PRDM6: variants seen among roughly 807,000 people sequenced by gnomAD.
PRDM6 encodes PR/SET domain 6, also known as putative histone-lysine N-methyltransferase PRDM6.
Under a neutral mutation model 60.8 loss-of-function variants are expected in PRDM6, and 25 were observed. The observed-to-expected ratio is 0.41, with a 90% CI of 0.30 to 0.57. The LOEUF is 0.57. PRDM6 is among the 20% of genes least tolerant of loss of function. The pLI is 0.27. For synonymous variants in PRDM6, 407 were observed against 357.4 expected (o/e 1.14, Z -1.57); for missense variants, 839 against 821.3 (o/e 1.02, Z -0.26).
chr5:123,121,298 A>C (rs891454930), intron 3 of PRDM6, among the ~76,000 whole-genome samples: 4 of 152,104 alleles, frequency 2.6e-5, no homozygotes, highest in African/African-American at 9.7e-5. Context: ...CTTATTTTGA[A>C]TATTTTTTTC....
At chr5:123,123,114 G>C (rs1764615810) in intron 3 of PRDM6, among the ~76,000 whole-genome samples, 1 of 152,134 alleles carries the variant, frequency 6.6e-6, no homozygotes, top group African/African-American at 2.4e-5. Context: ...TTTACCCTCA[G>C]AAAGGTTATA....
chr5:123,148,004 C>T (rs1561853861), intron 3 of PRDM6, among the ~76,000 whole-genome samples: 1 of 152,244 alleles, frequency 6.6e-6, no homozygotes, highest in Non-Finnish European at 1.5e-5. Context: ...AGCTGACCCA[C>T]AGTGTGACCA....
At chr5:123,133,488 A>G (rs1764881896) in intron 3 of PRDM6, among the ~76,000 whole-genome samples, 1 of 152,108 alleles carries the variant, frequency 6.6e-6, no homozygotes, top group Non-Finnish European at 1.5e-5. Context: ...ATCCTTTTTT[A>G]TTAAAAGTCA....
At chr5:123,160,153 A>T (rs537147625) in intron 5 of PRDM6, among the ~76,000 whole-genome samples, 1 of 152,368 alleles carries the variant, frequency 6.6e-6, no homozygotes, top group East Asian at 1.9e-4. Flanking sequence ...AATGGTAGAT[A>T]TGTGACTGAG....
intron 4 of PRDM6, among the ~76,000 whole-genome samples, chr5:123,157,042 T>C (rs1580525363): frequency 6.6e-6 from 1 of 151,892 alleles, no homozygotes; most frequent in East Asian, 1.9e-4. Flanking sequence ...GTCCTGCCTA[T>C]GGCTATTTAT....
At position 123,101,352 on chromosome 5, in the gene PRDM6, C is replaced by T. The variant is rs538360154; in HGVS notation, c.900+1391C>T. On this transcript the variant is annotated intron_variant, in intron 3 of 7. Coordinates refer to ENST00000407847, the MANE Select transcript of PRDM6 (RefSeq NM_001136239.4). ...ACAGCCCAGCAGCCCAAAATGAGGA[C>T]GTGGAAGCCAATGAACTACCTACCC... Among the ~76,000 whole-genome samples the T allele has an allele frequency of 4.6e-5, 7 of 152,180 alleles. No individual in the cohort carries two copies. In the East Asian group the frequency reaches 5.8e-4, roughly 13 times the overall value.
At chr5:123,126,596 A>G (rs1764700317) in intron 3 of PRDM6, among the ~76,000 whole-genome samples, 1 of 152,190 alleles carries the variant, frequency 6.6e-6, no homozygotes, top group Admixed American at 6.5e-5. Flanking sequence ...GTGCTTTTTA[A>G]GATGCCAGTA....
intron 3 of PRDM6, among the ~76,000 whole-genome samples, chr5:123,119,609 G>A (rs569642236): frequency 1.6e-4 from 25 of 152,314 alleles, no homozygotes; most frequent in Admixed American, 1.1e-3. Flanking sequence ...AGAGCCCAGG[G>A]TCGGGGACTA....
In PRDM6 at chr5:123,127,554, C is replaced by T. The variant is rs373337383; in HGVS notation, c.900+27593C>T. On this transcript the variant is annotated intron_variant, in intron 3 of 7. Transcript: ENST00000407847. The stretch of plus-strand genomic sequence containing the variant: ...AATTTAAGCATTGTTAGTTGTGAGA[C>T]TTAATCCCATTCAAGTTTTATTAAC... 5.3e-5 allele frequency among the ~76,000 whole-genome samples: 8 copies of T among 152,284 alleles called. No homozygotes were observed. The South Asian group carries it at 1.7e-3, about 32-fold the overall frequency.
Position 123,180,249 on chromosome 5 carries a change from C to T in PRDM6, c.1599C>T (p.Tyr533=). ...HSSDRPFKCG[Y]CGRAFAGATT... is the part of the protein sequence containing the mutation. ...GTGACCGGCCTTTCAAGTGCGGCTACTGTGGTCGTGCCTTTGCCGGGGCCA... is the reference window on the plus strand; with the variant it reads ...GTGACCGGCCTTTCAAGTGCGGCTATTGTGGTCGTGCCTTTGCCGGGGCCA... Residue 533 remains tyrosine, a synonymous_variant, in exon 7 of 8, where the codon TAC becomes TAT. Transcript: ENST00000407847. The T allele has an allele frequency of 2.6e-6, 4 of 1,551,866 alleles. No homozygotes were observed. Among genetic ancestry groups the T allele is most frequent in the Non-Finnish European group, 3.5e-6 (4 of 1,147,022 alleles).
At chr5:123,153,551 A>T (rs969318809) in intron 3 of PRDM6, among the ~76,000 whole-genome samples, 10 of 152,218 alleles carry the variant, frequency 6.6e-5, no homozygotes, top group Non-Finnish European at 8.8e-5. Flanking sequence ...AGCTAAAGCC[A>T]GGAAAACCAA....
At chr5:123,102,885 G>T (rs1224537284) in intron 3 of PRDM6, among the ~76,000 whole-genome samples, 1 of 151,950 alleles carries the variant, frequency 6.6e-6, no homozygotes, top group South Asian at 2.1e-4. Flanking sequence ...ATTGTTTTTA[G>T]TATGGTTGTA....
chr5:123,175,558 C>T (rs895633439), intron 6 of PRDM6, among the ~76,000 whole-genome samples: 1 of 152,168 alleles, frequency 6.6e-6, no homozygotes, highest in Non-Finnish European at 1.5e-5. Context: ...TTTAGTCTTG[C>T]ACTTCTGTCA....
intron 3 of PRDM6, among the ~76,000 whole-genome samples, chr5:123,119,144 A>G (rs1764522607): frequency 6.6e-6 from 1 of 152,116 alleles, no homozygotes; most frequent in Non-Finnish European, 1.5e-5. Flanking sequence ...AGTAGGTAGC[A>G]TTAACTGTTA....
At chr5:123,162,292 T>G (rs56262806) in intron 5 of PRDM6, among the ~76,000 whole-genome samples, 10,508 of 152,244 alleles carry the variant, frequency 0.069, 378 homozygotes, top group Non-Finnish European at 0.073. Context: ...TTTTTGGGTC[T>G]CTGTGCCATT....
intron 3 of PRDM6, among the ~76,000 whole-genome samples, chr5:123,124,728 G>C (rs986239136): frequency 3.9e-5 from 6 of 152,304 alleles, no homozygotes; most frequent in Admixed American, 6.5e-5. Flanking sequence ...TTATGGTTAA[G>C]ACTGGAGAAG....
chr5:123,137,819 C>T (rs441446), intron 3 of PRDM6, among the ~76,000 whole-genome samples: 110,146 of 151,994 alleles, frequency 0.72, 40,063 homozygotes, highest in Non-Finnish European at 0.75. Flanking sequence ...TTAGGTGATA[C>T]ACAGAAAAGT....
At chr5:123,147,279 A>AGAGAGAG (rs1561853112) in intron 3 of PRDM6, among the ~76,000 whole-genome samples, 1 of 147,484 alleles carries the variant, frequency 6.8e-6, no homozygotes, top group Non-Finnish European at 1.5e-5. Flanking sequence ...TGATACTAAA[A>AGAGAGAG]AGAGAGAGAG....
chr5:123,096,048 C>G (rs1257440634), intron 2 of PRDM6, among the ~76,000 whole-genome samples: 1 of 31,560 alleles, frequency 3.2e-5, no homozygotes, highest in Non-Finnish European at 6.9e-5. Context: ...TGCCAGGAGG[C>G]GAACAAGTCT....
Sources: allele counts gnomAD v4.1 joint callset (sites outside exome capture counted in the v4.1 genomes callset), GRCh38; gene constraint gnomAD v4.1.1; transcripts MANE v1.5; gene names NCBI Gene and HGNC (gene_info 2026-07-23, HGNC 2026-07-21).